Variants in EXOC6B observed in about 807,000 individuals in gnomAD.
EXOC6B encodes the protein exocyst complex component 6B.
EXOC6B carries 54 observed loss-of-function variants against 113.5 expected under a neutral mutation model. That is an observed-to-expected ratio of 0.48 (90% CI 0.38 to 0.60). EXOC6B has a LOEUF of 0.60. Ranked by LOEUF, EXOC6B falls within the 20% of genes least tolerant of loss-of-function variation. EXOC6B has a pLI of 0.00. For missense variants in EXOC6B, 797 were observed against 977.5 expected (o/e 0.82, Z 2.46); for synonymous variants, 357 against 339.0 (o/e 1.05, Z -0.58).
intron 20 of EXOC6B, among the ~76,000 whole-genome samples, chr2:72,303,440 A>T (rs531061551): frequency 6.6e-6 from 1 of 151,624 alleles, no homozygotes; most frequent in African/African-American, 2.4e-5. Flanking sequence ...ATTTCTTTTT[A>T]TTATTTTCTC....
intron 6 of EXOC6B, among the ~76,000 whole-genome samples, chr2:72,603,201 A>G (rs527586190): frequency 3.3e-5 from 5 of 152,074 alleles, no homozygotes; most frequent in Admixed American, 3.3e-4. Context: ...GCCTGGGTAA[A>G]AGCCTTTTCA....
intron 18 of EXOC6B, among the ~76,000 whole-genome samples, chr2:72,460,586 A>G (rs1697565460): frequency 1.3e-5 from 2 of 152,120 alleles, no homozygotes; most frequent in Non-Finnish European, 2.9e-5. Context: ...ACATTTATGC[A>G]GCCAGAAAAC....
chr2:72,819,764 AAGAG>A (rs376096517), intron 1 of EXOC6B, among the ~76,000 whole-genome samples: 2 of 151,582 alleles, frequency 1.3e-5, no homozygotes, highest in African/African-American at 4.8e-5. Context: ...GAAAAGAAAA[AAGAG>A]AGAGAGAGAG....
At chr2:72,511,505 A>G (rs754095287) in intron 11 of EXOC6B, among the ~76,000 whole-genome samples, 1 of 152,100 alleles carries the variant, frequency 6.6e-6, no homozygotes, top group African/African-American at 2.4e-5. Flanking sequence ...CCAAACTATC[A>G]TTATCACTTG....
At chr2:72,575,818 A>G (rs1373057431) in intron 6 of EXOC6B, 150 bp from the exon 7 acceptor site, 1 of 632,336 alleles carries the variant, frequency 1.6e-6, no homozygotes, top group East Asian at 3.1e-5. Context: ...AAATACTACA[A>G]CAAAAGGCCT....
At chr2:72,487,837 A>C (rs1699521931) in intron 16 of EXOC6B, among the ~76,000 whole-genome samples, 1 of 152,168 alleles carries the variant, frequency 6.6e-6, no homozygotes, top group Non-Finnish European at 1.5e-5. Flanking sequence ...ACATAACATC[A>C]CTGATGATGT....
rs1302546894 is a variant in EXOC6B at position 72,515,708 on chromosome 2, GC to G, written c.916-583del. 15 of 987,876 alleles carry G rather than the reference GC, an allele frequency of 1.5e-5. No homozygotes were observed. The African/African-American group carries it at 2.6e-4, about 17-fold the overall frequency. The allele number at this position is 987,876 out of a possible 1,614,324, so 61.2% of individuals were successfully genotyped here. A position where few individuals can be genotyped will look rare whatever the true frequency, so the allele number is the denominator to read the frequency against. ...GGTTTCTGGGCTTAAAATGAGAAGT[GC>G]TCTACATAATAATATCTGACTCATG... On this transcript the variant is annotated intron_variant, in intron 8 of 21. Coordinates refer to ENST00000272427, the MANE Select transcript of EXOC6B (RefSeq NM_015189.3).
chr2:72,611,134 A>C (rs1452437434), intron 6 of EXOC6B, among the ~76,000 whole-genome samples: 1 of 152,080 alleles, frequency 6.6e-6, no homozygotes, highest in Non-Finnish European at 1.5e-5. Context: ...AAGCCAAGGC[A>C]GGTGGATCAC....
At chr2:72,394,189 C>T (rs1327594177) in intron 18 of EXOC6B, among the ~76,000 whole-genome samples, 1 of 152,012 alleles carries the variant, frequency 6.6e-6, no homozygotes, top group African/African-American at 2.4e-5. Context: ...TTGAAAATGA[C>T]ATTAGGTATA....
At position 72,319,950 on chromosome 2, in the gene EXOC6B, C is replaced by T. The variant is rs140666607; in HGVS notation, c.2196+14997G>A. 7.2e-3 allele frequency among the ~76,000 whole-genome samples: 1,099 copies of T among 152,128 alleles called. 14 individuals carry two copies. The highest frequency in any genetic ancestry group is 0.024 in the African/African-American group (1,002 of 41,526). On this transcript the variant is annotated intron_variant, in intron 20 of 21. Transcript: ENST00000272427. Reference sequence around the variant, plus strand: ...TCCCTGGTTCCAGCGATTTCCCCTGCCTCAGCCTCCTGAGTAGCTGGGACA... The same window carrying T: ...TCCCTGGTTCCAGCGATTTCCCCTGTCTCAGCCTCCTGAGTAGCTGGGACA...
intron 20 of EXOC6B, 31 bp downstream of exon 20, chr2:72,334,915 GA>G: frequency 6.2e-7 from 1 of 1,607,186 alleles, no homozygotes; most frequent in Non-Finnish European, 8.5e-7. Flanking sequence ...CATCTTAAAA[GA>G]AAAACAAAAA....
intron 20 of EXOC6B, among the ~76,000 whole-genome samples, chr2:72,327,540 A>G (rs1688199958): frequency 6.6e-6 from 1 of 152,096 alleles, no homozygotes; most frequent in South Asian, 2.1e-4. Flanking sequence ...ACATGCTATG[A>G]TGCCACTTGG....
rs1356604964 is a variant in EXOC6B at position 72,825,557 on chromosome 2, G to T, written c.113+241C>A. On this transcript the variant is annotated intron_variant, in intron 1 of 21. Transcript: ENST00000272427. The surrounding 1 kb of genome is among the most constrained non-coding windows in gnomAD (Gnocchi z 4.4). ...GCCGGACCAGCCTCGGAGGGAGAACGAAGGCTGCTCCTGCCCCGAGGGAGG... is the reference window on the plus strand; with the variant it reads ...GCCGGACCAGCCTCGGAGGGAGAACTAAGGCTGCTCCTGCCCCGAGGGAGG... Among the ~76,000 whole-genome samples the T allele has an allele frequency of 6.6e-6, 1 of 152,176 alleles. No homozygotes were observed. Among genetic ancestry groups the T allele is most frequent in the Non-Finnish European group, 1.5e-5 (1 of 68,022 alleles).
At chr2:72,512,718 C>T (rs532784630) in intron 11 of EXOC6B, among the ~76,000 whole-genome samples, 3 of 151,986 alleles carry the variant, frequency 2.0e-5, no homozygotes, top group Admixed American at 6.6e-5. Flanking sequence ...GGTTTCAATC[C>T]GACTTCTACT....
intron 20 of EXOC6B, among the ~76,000 whole-genome samples, chr2:72,272,719 C>T (rs1684570979): frequency 6.6e-6 from 1 of 152,114 alleles, no homozygotes; most frequent in Non-Finnish European, 1.5e-5. Context: ...GATTTTGAGA[C>T]TGAGAGTTGG....
chr2:72,602,312 A>G (rs532554163), intron 6 of EXOC6B, among the ~76,000 whole-genome samples: 185 of 152,318 alleles, frequency 1.2e-3, no homozygotes, highest in Middle Eastern at 6.8e-3. Context: ...CCATGAATGA[A>G]TATAATTCTC....
At chr2:72,183,817 C>T (rs1277240600) in intron 21 of EXOC6B, among the ~76,000 whole-genome samples, 3 of 151,838 alleles carry the variant, frequency 2.0e-5, no homozygotes, top group African/African-American at 7.3e-5. Flanking sequence ...ACCCATTAAA[C>T]TAGAAGGTAA....
intron 20 of EXOC6B, among the ~76,000 whole-genome samples, chr2:72,307,411 G>A (rs1686947791): frequency 6.6e-6 from 1 of 152,080 alleles, no homozygotes; most frequent in African/African-American, 2.4e-5. Flanking sequence ...CTCCCAAAGT[G>A]CTGGGATTAC....
rs550969201 is a variant in EXOC6B, at chr2:72,398,169, A to G, written c.1981-18299T>C. On this transcript the variant is annotated intron_variant, in intron 18 of 21. Coordinates refer to ENST00000272427, the MANE Select transcript of EXOC6B (RefSeq NM_015189.3). ...CAAATTAACTGAATGCCTGACTACAACAAAAAGCCAGACCATCTTGCAGTT... is the reference window on the plus strand; with the variant it reads ...CAAATTAACTGAATGCCTGACTACAGCAAAAAGCCAGACCATCTTGCAGTT... Among the ~76,000 whole-genome samples, 13 of 152,328 alleles carry G rather than the reference A, an allele frequency of 8.5e-5. No homozygotes were observed. In the East Asian group the frequency reaches 1.2e-3, roughly 14 times the overall value.
Sources: allele counts gnomAD v4.1 joint callset (sites outside exome capture counted in the v4.1 genomes callset), GRCh38; gene constraint gnomAD v4.1.1; non-coding constraint Gnocchi (gnomAD v3.1); transcripts MANE v1.5; gene names NCBI Gene and HGNC (gene_info 2026-07-23, HGNC 2026-07-21).